AXDND1: variants seen among roughly 807,000 people sequenced by gnomAD.
AXDND1 encodes axonemal dynein light chain domain containing 1, also known as axonemal dynein light chain domain-containing protein 1.
Under a neutral mutation model 137.5 loss-of-function variants are expected in AXDND1, and 110 were observed. The observed-to-expected ratio is 0.80, with a 90% CI of 0.69 to 0.94. The LOEUF (loss-of-function observed/expected upper bound fraction) is 0.94. AXDND1 is among the 40% of genes least tolerant of loss of function. The pLI is 0.00. For synonymous variants in AXDND1, 414 were observed against 399.7 expected, an observed-to-expected ratio of 1.04 and a Z score of -0.43; for missense variants, 1,191 against 1,169.8, an observed-to-expected ratio of 1.02 and a Z score of -0.26.
chr1:179,501,857 A>G (rs1010471671), intron 20 of AXDND1, among the ~76,000 whole-genome samples: 1 of 152,224 alleles, frequency 6.6e-6, no homozygotes, highest in Admixed American at 6.5e-5. Context: ...TCAAAATTAT[A>G]AAGCTTTTAG....
Position 179,382,729 on chromosome 1 carries a change from A to G in AXDND1, c.611A>G (p.Glu204Gly). The G allele has an allele frequency of 6.2e-7, 1 of 1,603,602 alleles. No individual in the cohort carries two copies. Among genetic ancestry groups the G allele is most frequent in the Non-Finnish European group, 8.5e-7 (1 of 1,170,864 alleles). The change falls in exon 7 of 26, where the codon GAA (glutamate) becomes GGA (glycine). Residue 204 changes from glutamate to glycine, a missense_variant. By Grantham distance (98) the Glu-to-Gly change is moderately conservative. Transcript: ENST00000367618. ...DKYTTLLTDS[E>G]NRLLLFPSMK... ...TACACTACTCTCCTCACAGATAGTG[A>G]AAACAGGCTATTGCTCTTCCCATCC...
At chr1:179,370,318 T>C (rs570374005) in intron 4 of AXDND1, among the ~76,000 whole-genome samples, 6 of 152,364 alleles carry the variant, frequency 3.9e-5, no homozygotes, top group African/African-American at 1.4e-4. Flanking sequence ...ATTTGCTTTT[T>C]GCATGCCTTT....
rs80350618 is a variant in AXDND1 at position 179,495,083 on chromosome 1, G to A, written c.2388+2132G>A. Among the ~76,000 whole-genome samples the A allele has an allele frequency of 5.2e-3, 784 of 152,100 alleles. 6 individuals are homozygous for A. The highest frequency in any genetic ancestry group is 0.018 in the African/African-American group (735 of 41,514). On this transcript the variant is annotated intron_variant, in intron 20 of 25. Transcript: ENST00000367618. ...TGATCCATTTGTCAACATTGTCACC[G>A]TCTCCAAACTGCCTTCATTACTATT...
At chr1:179,377,119 A>G (rs1224771735) in intron 4 of AXDND1, among the ~76,000 whole-genome samples, 1 of 152,082 alleles carries the variant, frequency 6.6e-6, no homozygotes, top group East Asian at 1.9e-4. Context: ...TCTAGTAGAG[A>G]TGGGGTTTCG....
intron 11 of AXDND1, among the ~76,000 whole-genome samples, chr1:179,405,062 C>T (rs570157802): frequency 1.6e-4 from 25 of 152,120 alleles, no homozygotes; most frequent in South Asian, 1.0e-3. Flanking sequence ...TCCTAATGCT[C>T]TCCCTCCCCT....
Position 179,509,713 on chromosome 1 carries a change from C to G in AXDND1, c.2496+310C>G, listed in dbSNP as rs568757159. 1.1e-4 allele frequency among the ~76,000 whole-genome samples: 16 copies of G among 152,256 alleles called. 1 individual carries two copies. The South Asian group carries it at 3.3e-3, about 32-fold the overall frequency. On this transcript the variant is annotated intron_variant, in intron 21 of 25. Transcript: ENST00000367618. ...ATCTGCTTCTGTGCTCACCCTTTTC[C>G]CTCCCCTCCAGTCTCAGTCTTTCCA...
intron 3 of AXDND1, 40 bp from the exon 4 acceptor site, chr1:179,369,935 G>A: frequency 3.5e-6 from 5 of 1,442,648 alleles, no homozygotes; most frequent in South Asian, 1.2e-5. Context: ...TGATTAGATC[G>A]CCCTCTGCTG....
rs781037846 is a variant in AXDND1, at chr1:179,509,241, G to A, written c.2389-55G>A. Reference sequence around the variant, plus strand: ...TTGTATTTATCAGTTCCTCAATAGCGGTGAGTGAATAAATGAGCTGGTTTT... The same window carrying A: ...TTGTATTTATCAGTTCCTCAATAGCAGTGAGTGAATAAATGAGCTGGTTTT... On this transcript the variant is annotated intron_variant, in intron 20 of 25. Transcript: ENST00000367618. 3.1e-5 allele frequency: 33 copies of A among 1,072,294 alleles called. No homozygotes were observed. Among genetic ancestry groups the A allele is most frequent in the Middle Eastern group, 5.7e-4 (2 of 3,500 alleles). 66.4% of individuals were successfully genotyped at this position (1,072,294 alleles called of 1,614,324 possible).
At position 179,468,600 on chromosome 1, in the gene AXDND1, T is replaced by TA; in HGVS notation, c.1957dup (p.Thr653AsnfsTer22). On this transcript the variant is annotated frameshift_variant, in exon 17 of 26. Coordinates refer to ENST00000367618, the MANE Select transcript of AXDND1 (RefSeq NM_144696.6). LOFTEE classifies it high-confidence loss of function. ...CACACTTGGATATATTGTTAAACCT[T>TA]ACTGGTATTGTTCCACAGCACATAG... 1.2e-6 allele frequency: 2 copies of TA among 1,612,432 alleles called. No individual in the cohort carries two copies. Among genetic ancestry groups the TA allele is most frequent in the Non-Finnish European group, 8.5e-7 (1 of 1,179,664 alleles).
At chr1:179,449,092 C>T in intron 16 of AXDND1, 1 of 449,612 alleles carries the variant, frequency 2.2e-6, no homozygotes, top group South Asian at 1.6e-5. Flanking sequence ...CACCGTGTTG[C>T]ACAGGCTGGT....
At chr1:179,425,906 G>A (rs892228309) in intron 12 of AXDND1, among the ~76,000 whole-genome samples, 2 of 149,078 alleles carry the variant, frequency 1.3e-5, no homozygotes, top group Admixed American at 6.8e-5. Flanking sequence ...GCACAATCTC[G>A]GCTCACTGCA....
chr1:179,440,020 G>A (rs1658769235), intron 15 of AXDND1, among the ~76,000 whole-genome samples: 1 of 152,192 alleles, frequency 6.6e-6, no homozygotes. Flanking sequence ...ACACTTGCCA[G>A]TGTCTTTCTG....
At position 179,385,254 on chromosome 1, in the gene AXDND1, A is replaced by T; in HGVS notation, c.758A>T (p.His253Leu). Reference protein sequence around the residue: ...TGPTKMHKLLHILKKEQTIYN... With the variant: ...TGPTKMHKLLLILKKEQTIYN... ...TTCTGACAGATGCACAAACTACTAC[A>T]TATATTGAAGAAGGAACAGACCATT... The change falls in exon 9 of 26, where the codon CAT (histidine) becomes CTT (leucine). Residue 253 changes from histidine (H) to leucine (L), a missense_variant. Coordinates refer to ENST00000367618, the MANE Select transcript of AXDND1 (RefSeq NM_144696.6). 6.2e-7 allele frequency: 1 copy of T among 1,610,166 alleles called. No homozygotes were observed. The highest frequency in any genetic ancestry group is 1.7e-5 in the Admixed American group (1 of 60,004).
intron 16 of AXDND1, among the ~76,000 whole-genome samples, chr1:179,466,725 T>C (rs1663248229): frequency 6.6e-6 from 1 of 152,218 alleles, no homozygotes; most frequent in Admixed American, 6.5e-5. Context: ...GTCCATTCTT[T>C]TCATATTTCT....
At position 179,368,815 on chromosome 1, in the gene AXDND1, A is replaced by C; in HGVS notation, c.113A>C (p.Lys38Thr). Residue 38 changes from lysine to threonine, a missense_variant, in exon 3 of 26, where the codon AAG (lysine) becomes ACG (threonine). Transcript: ENST00000367618. ...KEGTRGLPEL[K>T]EKKNMVDRSK... The stretch of plus-strand genomic sequence containing the variant: ...ACTTACTTAGGACTTCCTGAGCTAA[A>C]GGAGAAAAAAAATATGGTGGATCGT... 1.2e-6 allele frequency: 2 copies of C among 1,611,682 alleles called. No homozygotes were observed. The highest frequency in any genetic ancestry group is 1.7e-6 in the Non-Finnish European group (2 of 1,179,162).
intron 20 of AXDND1, among the ~76,000 whole-genome samples, chr1:179,493,924 A>G (rs1398331230): frequency 1.3e-5 from 2 of 152,158 alleles, no homozygotes; most frequent in African/African-American, 4.8e-5. Flanking sequence ...GTTGCTTTAC[A>G]TACTCACTGA....
At chr1:179,432,151 T>C (rs1031855445) in intron 14 of AXDND1, 116 bp from the exon 15 acceptor site, 23 of 1,314,776 alleles carry the variant, frequency 1.7e-5, no homozygotes, top group Admixed American at 1.6e-4. Flanking sequence ...CTGGAAGGCA[T>C]GCTTCAAAAT....
At chr1:179,367,704 T>A (rs1196364616) in intron 2 of AXDND1, among the ~76,000 whole-genome samples, 1 of 152,232 alleles carries the variant, frequency 6.6e-6, no homozygotes, top group Non-Finnish European at 1.5e-5. Context: ...GCCACTGCAC[T>A]CTAGCCTGGG....
intron 20 of AXDND1, among the ~76,000 whole-genome samples, chr1:179,496,091 C>T (rs143704208): frequency 0.011 from 1,630 of 151,882 alleles, 21 homozygotes; most frequent in Non-Finnish European, 0.013. Flanking sequence ...TGTATTGTCC[C>T]TCTTATATGT....
Sources: gnomAD v4.1 joint callset for allele counts (sites outside exome capture counted in the v4.1 genomes callset) on GRCh38, gnomAD v4.1.1 for gene constraint, MANE v1.5 for transcripts, NCBI Gene and HGNC (gene_info 2026-07-23, HGNC 2026-07-21) for gene names.